The following CTNNA3 variants were observed in gnomAD, a reference collection of about 807,000 sequenced individuals.
CTNNA3 encodes catenin alpha-3.
In CTNNA3, 76 loss-of-function variants were observed where a neutral mutation model predicts 95.7. The observed-to-expected ratio is 0.79, with a 90% CI of 0.66 to 0.96. The LOEUF is 0.96. Ranked by LOEUF, CTNNA3 falls within the 40% of genes least tolerant of loss-of-function variation. CTNNA3 has a pLI of 0.00. For missense variants in CTNNA3, 1,191 were observed against 1,089.8 expected (o/e 1.09, Z -1.31); for synonymous variants, 431 against 374.4 (o/e 1.15, Z -1.74).
intron 13 of CTNNA3, among the ~76,000 whole-genome samples, chr10:66,141,533 A>G (rs139817482): frequency 6.5e-4 from 99 of 152,258 alleles, no homozygotes; most frequent in Middle Eastern, 6.8e-3. Context: ...GAGACATAAA[A>G]ATTCTCCAAT....
At position 67,167,255 on chromosome 10, in the gene CTNNA3, T is replaced by A. The variant is rs190483692; in HGVS notation, c.1047+13062A>T. Among the ~76,000 whole-genome samples the A allele has an allele frequency of 3.9e-5, 6 of 152,310 alleles. No individual in the cohort carries two copies. The East Asian group carries it at 1.2e-3, about 29-fold the overall frequency. On this transcript the variant is annotated intron_variant, in intron 7 of 17. Transcript: ENST00000433211. ...AGTGGGAACCATATAAAATTTTGAA[T>A]AGGCTAGACATACAAGATACCATAT...
intron 7 of CTNNA3, among the ~76,000 whole-genome samples, chr10:67,070,560 A>G (rs1236489877): frequency 6.6e-6 from 1 of 152,116 alleles, no homozygotes; most frequent in East Asian, 1.9e-4. Flanking sequence ...CATCTTGGCC[A>G]ACATGGTGAA....
intron 11 of CTNNA3, among the ~76,000 whole-genome samples, chr10:66,429,178 C>T (rs183286022): frequency 4.6e-5 from 7 of 152,302 alleles, no homozygotes; most frequent in Admixed American, 2.6e-4. Flanking sequence ...ATCCTCTACA[C>T]ATACACCCTC....
chr10:66,733,545 T>G (rs757644210), intron 9 of CTNNA3, among the ~76,000 whole-genome samples: 3 of 151,762 alleles, frequency 2.0e-5, no homozygotes, highest in African/African-American at 7.2e-5. Context: ...TATATGTATA[T>G]ATTTTTTATT....
intron 11 of CTNNA3, among the ~76,000 whole-genome samples, chr10:66,476,121 C>T (rs998276125): frequency 2.0e-5 from 3 of 152,016 alleles, no homozygotes; most frequent in African/African-American, 7.2e-5. Flanking sequence ...AACAGAAAAC[C>T]GAACACCACT....
At chr10:66,064,568 G>A (rs1265263386) in intron 15 of CTNNA3, among the ~76,000 whole-genome samples, 1 of 151,994 alleles carries the variant, frequency 6.6e-6, no homozygotes, top group African/African-American at 2.4e-5. Flanking sequence ...CCAGGGAAAA[G>A]CATTCACCGT....
chr10:67,512,744 T>C (rs985301898), intron 5 of CTNNA3, among the ~76,000 whole-genome samples: 3 of 150,944 alleles, frequency 2.0e-5, no homozygotes, highest in African/African-American at 7.3e-5. Flanking sequence ...TCCAGCACTT[T>C]GGGAGGCCGA....
At chr10:66,146,920 G>A (rs2083914060) in intron 13 of CTNNA3, among the ~76,000 whole-genome samples, 2 of 152,144 alleles carry the variant, frequency 1.3e-5, no homozygotes, top group African/African-American at 4.8e-5. Flanking sequence ...GTAAAGGGCA[G>A]TTTGTTGAAA....
intron 14 of CTNNA3, among the ~76,000 whole-genome samples, chr10:66,096,438 G>A (rs2081388227): frequency 6.6e-6 from 1 of 151,526 alleles, no homozygotes; most frequent in Non-Finnish European, 1.5e-5. Flanking sequence ...AGAATGAGAT[G>A]TATTTTTTTC....
intron 13 of CTNNA3, among the ~76,000 whole-genome samples, chr10:66,162,924 T>C (rs2084925820): frequency 6.6e-6 from 1 of 152,036 alleles, no homozygotes; most frequent in Non-Finnish European, 1.5e-5. Context: ...CCCAGGTCAC[T>C]GGAGTTGTGT....
chr10:66,600,681 G>C (rs752249215), intron 10 of CTNNA3, among the ~76,000 whole-genome samples: 1 of 151,806 alleles, frequency 6.6e-6, no homozygotes, highest in Non-Finnish European at 1.5e-5. Context: ...GTATGATACA[G>C]AAATTGTAAA....
At chr10:67,726,369 T>A (rs1306359247) in intron 1 of CTNNA3, among the ~76,000 whole-genome samples, 1 of 66,530 alleles carries the variant, frequency 1.5e-5, no homozygotes, top group Non-Finnish European at 2.4e-5. Context: ...ATATAATATA[T>A]GATATTATAT....
At chr10:66,150,548 G>C (rs1173850366) in intron 13 of CTNNA3, among the ~76,000 whole-genome samples, 1 of 151,608 alleles carries the variant, frequency 6.6e-6, no homozygotes, top group Non-Finnish European at 1.5e-5. Context: ...TGGGCTACAT[G>C]TAATATTTTG....
chr10:67,600,100 AAC>A (rs1443756526), intron 3 of CTNNA3, among the ~76,000 whole-genome samples: 1 of 152,134 alleles, frequency 6.6e-6, no homozygotes, highest in African/African-American at 2.4e-5. Context: ...AAAAGAAAAA[AAC>A]AGTTTATTCA....
In CTNNA3 at chr10:67,019,570, A is replaced by C. The variant is rs530097755; in HGVS notation, c.1047+160747T>G. On this transcript the variant is annotated intron_variant, in intron 7 of 17. Transcript: ENST00000433211. ...CAAGAACTTTATCGTATATAAAATT[A>C]TGTACACTTTATAAATAAGAAATAT... Among the ~76,000 whole-genome samples the C allele has an allele frequency of 1.3e-4, 20 of 152,332 alleles. 1 individual carries two copies. The South Asian group carries it at 3.5e-3, about 27-fold the overall frequency.
At chr10:66,333,863 T>A (rs1370102467) in intron 12 of CTNNA3, among the ~76,000 whole-genome samples, 2 of 151,784 alleles carry the variant, frequency 1.3e-5, no homozygotes, top group African/African-American at 4.8e-5. Context: ...TGTGGGAGTC[T>A]AAGTCTCTTT....
upstream of CTNNA3, among the ~76,000 whole-genome samples, chr10:67,697,594 T>C (rs1010548336): frequency 6.6e-5 from 10 of 152,216 alleles, no homozygotes; most frequent in African/African-American, 1.9e-4. Context: ...TCAGAGGATA[T>C]GTGAATTAAA....
chr10:66,531,703 T>C (rs1841471718), intron 10 of CTNNA3, among the ~76,000 whole-genome samples: 4 of 152,236 alleles, frequency 2.6e-5, no homozygotes, highest in South Asian at 4.1e-4. Flanking sequence ...GTTAAATAAA[T>C]ATAAATAAGA....
intron 2 of CTNNA3, among the ~76,000 whole-genome samples, chr10:67,641,799 T>C (rs563988806): frequency 1.3e-3 from 197 of 152,206 alleles, no homozygotes; most frequent in African/African-American, 4.6e-3. Flanking sequence ...TAGGTGGGAA[T>C]TGAACAATGA....
Sources: allele counts gnomAD v4.1 joint callset (sites outside exome capture counted in the v4.1 genomes callset), GRCh38; gene constraint gnomAD v4.1.1; transcripts MANE v1.5; gene names NCBI Gene and HGNC (gene_info 2026-07-23, HGNC 2026-07-21).